CFAP299: variants seen among roughly 807,000 people sequenced by gnomAD.
CFAP299 encodes cilia- and flagella-associated protein 299.
Under a neutral mutation model 27.0 loss-of-function variants are expected in CFAP299, and 21 were observed. That is an observed-to-expected ratio of 0.78 (90% confidence interval 0.55 to 1.12). The LOEUF is 1.12. Ranked by LOEUF, CFAP299 falls within the 50% of genes most tolerant of loss-of-function variation. The pLI, the probability that CFAP299 is intolerant of heterozygous loss-of-function variation, is 0.00. For missense variants in CFAP299, 310 were observed against 276.6 expected (o/e 1.12, Z -0.86); for synonymous variants, 104 against 98.1 (o/e 1.06, Z -0.36).
In CFAP299 at chr4:80,608,861, A is replaced by G. The variant is rs73832426; in HGVS notation, c.333+25678A>G. ...AAACTGGGTAAAGCTTACACGATGCATGTGTGTGTGTGTGTGTGTGTGTGT... is the reference window on the plus strand; with the variant it reads ...AAACTGGGTAAAGCTTACACGATGCGTGTGTGTGTGTGTGTGTGTGTGTGT... On this transcript the variant is annotated intron_variant, in intron 3 of 5. Transcript: ENST00000358105. 5.7e-3 allele frequency among the ~76,000 whole-genome samples: 835 copies of G among 146,898 alleles called. 7 individuals are homozygous for G. The highest frequency in any genetic ancestry group is 0.021 in the African/African-American group (800 of 38,414).
chr4:80,560,520 G>A (rs1342955445), intron 2 of CFAP299, among the ~76,000 whole-genome samples: 2 of 152,068 alleles, frequency 1.3e-5, no homozygotes, highest in South Asian at 4.1e-4. Context: ...TGGGGTCCCC[G>A]ATTCCAGGAC....
At chr4:80,403,093 A>G (rs1726244191) in intron 2 of CFAP299, among the ~76,000 whole-genome samples, 1 of 152,188 alleles carries the variant, frequency 6.6e-6, no homozygotes, top group African/African-American at 2.4e-5. Flanking sequence ...TTTCTCTCTA[A>G]GTAGTGAATT....
chr4:80,705,853 C>T (rs1367693712), intron 3 of CFAP299, among the ~76,000 whole-genome samples: 2 of 151,824 alleles, frequency 1.3e-5, no homozygotes, highest in Non-Finnish European at 2.9e-5. Flanking sequence ...TGACATGGAA[C>T]ATTGTTGTGA....
intron 3 of CFAP299, among the ~76,000 whole-genome samples, chr4:80,615,975 C>T (rs1296870047): frequency 3.3e-5 from 5 of 152,094 alleles, no homozygotes; most frequent in Non-Finnish European, 7.4e-5. Context: ...GGTAATTGAC[C>T]CTACTTTCCT....
At chr4:80,800,640 AATATATTAATAT>A (rs1334892388) in intron 3 of CFAP299, among the ~76,000 whole-genome samples, 11 of 98,606 alleles carry the variant, frequency 1.1e-4, no homozygotes, top group South Asian at 5.4e-4. Flanking sequence ...ATAAATATAT[AATATATTAATAT>A]ATATATGATA....
In CFAP299 at chr4:80,623,930, G is replaced by A. The variant is rs917713175; in HGVS notation, c.333+40747G>A. ...TTGTGGCAGGCAGTTCTCAGTGTACGCCAGGCTTCAGGCAGCAACCCAGTG... is the reference window on the plus strand; with the variant it reads ...TTGTGGCAGGCAGTTCTCAGTGTACACCAGGCTTCAGGCAGCAACCCAGTG... On this transcript the variant is annotated intron_variant, in intron 3 of 5. Transcript: ENST00000358105. 6.6e-5 allele frequency among the ~76,000 whole-genome samples: 10 copies of A among 152,238 alleles called. No individual in the cohort carries two copies. The South Asian group carries it at 8.3e-4, about 13-fold the overall frequency.
At chr4:80,627,161 A>G (rs1738951264) in intron 3 of CFAP299, among the ~76,000 whole-genome samples, 1 of 151,984 alleles carries the variant, frequency 6.6e-6, no homozygotes, top group Admixed American at 6.6e-5. Context: ...ATCAAGTGGT[A>G]TTCATTCCAG....
At chr4:80,781,568 G>C (rs1457108690) in intron 3 of CFAP299, among the ~76,000 whole-genome samples, 4 of 152,052 alleles carry the variant, frequency 2.6e-5, no homozygotes, top group Admixed American at 2.6e-4. Context: ...ATTGGGAAGG[G>C]CTGGGTGGTA....
intron 2 of CFAP299, chr4:80,386,400 G>T (rs771849629): frequency 5.2e-6 from 8 of 1,537,030 alleles, no homozygotes; most frequent in Non-Finnish European, 7.0e-6. Context: ...CACCAGACCA[G>T]CCCCTGTGTC....
In CFAP299 at chr4:80,727,445, T is replaced by C. The variant is rs567868606; in HGVS notation, c.334-142548T>C. 3.2e-3 allele frequency among the ~76,000 whole-genome samples: 494 copies of C among 152,234 alleles called. 3 individuals are homozygous for C. The highest frequency in any genetic ancestry group is 5.6e-3 in the Non-Finnish European group (384 of 67,984). On this transcript the variant is annotated intron_variant, in intron 3 of 5. Transcript: ENST00000358105. The stretch of plus-strand genomic sequence containing the variant: ...TGTTTTGATTTACATGCTATAATCA[T>C]GTTTTAAGGCAGCAAATGTATGAAA...
At chr4:80,778,722 A>AT (rs1726701645) in intron 3 of CFAP299, among the ~76,000 whole-genome samples, 1 of 152,062 alleles carries the variant, frequency 6.6e-6, no homozygotes, top group Non-Finnish European at 1.5e-5. Context: ...ACATCTTTTA[A>AT]AAACTAAACT....
intron 2 of CFAP299, among the ~76,000 whole-genome samples, chr4:80,517,862 A>G (rs889647442): frequency 6.6e-6 from 1 of 152,222 alleles, no homozygotes; most frequent in African/African-American, 2.4e-5. Flanking sequence ...GAACTGCACT[A>G]TGAATACAAA....
chr4:80,874,552 T>C (rs1299011394), intron 4 of CFAP299, among the ~76,000 whole-genome samples: 1 of 152,210 alleles, frequency 6.6e-6, no homozygotes, highest in Non-Finnish European at 1.5e-5. Flanking sequence ...AAGACCAAGG[T>C]GCTGGCAGAA....
rs183400993 is a variant in CFAP299, at chr4:80,767,381, G to A, written c.334-102612G>A. Among the ~76,000 whole-genome samples the A allele has an allele frequency of 1.6e-4, 24 of 152,152 alleles. No individual in the cohort carries two copies. The East Asian group carries it at 3.3e-3, about 21-fold the overall frequency. ...TCCCAGCACTTTGGGAGGCCGAGGC[G>A]GGTGGATCACGAGGTCAGGAGATCA... On this transcript the variant is annotated intron_variant, in intron 3 of 5. Coordinates refer to ENST00000358105, the MANE Select transcript of CFAP299 (RefSeq NM_152770.3).
chr4:80,427,073 C>T (rs1322731390), intron 2 of CFAP299, among the ~76,000 whole-genome samples: 1 of 152,104 alleles, frequency 6.6e-6, no homozygotes, highest in Non-Finnish European at 1.5e-5. Flanking sequence ...TTTCCAACAA[C>T]AGATGCTTTG....
intron 3 of CFAP299, among the ~76,000 whole-genome samples, chr4:80,606,988 TA>T (rs1737711281): frequency 6.6e-6 from 1 of 152,090 alleles, no homozygotes; most frequent in South Asian, 2.1e-4. Context: ...ATGCATTCAG[TA>T]ATGTTTGCAG....
intron 2 of CFAP299, among the ~76,000 whole-genome samples, chr4:80,438,402 C>A (rs1004288699): frequency 1.3e-5 from 2 of 152,184 alleles, no homozygotes; most frequent in South Asian, 2.1e-4. Flanking sequence ...TGTCCAGCTT[C>A]CAAATGTCAT....
intron 3 of CFAP299, among the ~76,000 whole-genome samples, chr4:80,738,020 G>T (rs560113035): frequency 6.6e-6 from 1 of 152,044 alleles, no homozygotes; most frequent in East Asian, 1.9e-4. Flanking sequence ...TTTAATTCTA[G>T]TGTGTTTGTA....
At chr4:80,407,245 A>G (rs893851200) in intron 2 of CFAP299, among the ~76,000 whole-genome samples, 1 of 152,314 alleles carries the variant, frequency 6.6e-6, no homozygotes, top group East Asian at 1.9e-4. Flanking sequence ...TGTATCAGTT[A>G]TCTACGGTCA....
Sources: gnomAD v4.1 joint callset for allele counts (sites outside exome capture counted in the v4.1 genomes callset) on GRCh38, gnomAD v4.1.1 for gene constraint, MANE v1.5 for transcripts, NCBI Gene and HGNC (gene_info 2026-07-23, HGNC 2026-07-21) for gene names.